COA4: variants seen among roughly 807,000 people sequenced by gnomAD.
The protein encoded by COA4 is cytochrome c oxidase assembly factor 4 homolog.
Under a neutral mutation model 7.3 loss-of-function variants are expected in COA4, and 8 were observed. The ratio of observed to expected loss-of-function variants is 1.10; its 90% confidence interval spans 0.64 to 1.98. COA4 has a LOEUF of 1.98. Ranked by LOEUF, COA4 falls within the 30% of genes most tolerant of loss-of-function variation. The probability of loss-of-function intolerance (pLI) is 0.00; values close to 1 mark genes in which losing one functional copy is unlikely to be tolerated. For synonymous variants in COA4, 42 were observed against 44.3 expected (o/e 0.95, Z 0.21); for missense variants, 96 against 111.2 (o/e 0.86, Z 0.62).
rs1948755420 is a variant in COA4, at chr11:73,876,837, A to G, written c.-97T>C. 1.7e-6 allele frequency: 1 copy of G among 578,398 alleles called. No homozygotes were observed. Among genetic ancestry groups the G allele is most frequent in the Non-Finnish European group, 2.8e-6 (1 of 362,442 alleles). 35.8% of individuals were successfully genotyped at this position (578,398 alleles called of 1,614,324 possible). ...TCGCAGGCGGTTGGGGATCCTCTGT[A>G]CATCCTTTCAGGAACCAGCCCCTCG... On this transcript the variant is annotated 5_prime_UTR_variant, in exon 1 of 2. Transcript: ENST00000355693.
chr11:73,873,794 C>A, intron 1 of COA4: 1 of 196,230 alleles, frequency 5.1e-6, no homozygotes, highest in Non-Finnish European at 1.0e-5. Flanking sequence ...GCTGGGATTA[C>A]AGGTGTGAGC....
At position 73,873,247 on chromosome 11, in the gene COA4, G is replaced by A. The variant is rs1227681845; in HGVS notation, c.132C>T (p.Cys44=). 1 of 1,614,144 alleles carries A rather than the reference G, an allele frequency of 6.2e-7. No individual in the cohort carries two copies. The highest frequency in any genetic ancestry group is 8.5e-7 in the Non-Finnish European group (1 of 1,180,058). The stretch of plus-strand genomic sequence containing the variant: ...GCCGCCAGTCCTGGTGCTGGGCCAT[G>A]CACTCCTGCACTGCAAAGTGGGAGG... ...CAASHFAVQE[C]MAQHQDWRQC... is the part of the protein sequence containing the mutation. Residue 44 remains cysteine, a synonymous_variant, in exon 2 of 2, where the codon TGC becomes TGT. Coordinates refer to ENST00000355693, the MANE Select transcript of COA4 (RefSeq NM_016565.3).
chr11:73,874,125 G>C (rs1287276374), intron 1 of COA4, among the ~76,000 whole-genome samples: 2 of 151,916 alleles, frequency 1.3e-5, no homozygotes, highest in East Asian at 3.9e-4. Context: ...GACCAGCAGG[G>C]GTAATAGCAA....
chr11:73,876,696 G>T (rs777603917), intron 1 of COA4, 61 bp downstream of exon 1: 1 of 246,740 alleles, frequency 4.1e-6, no homozygotes, highest in Non-Finnish European at 7.7e-6. Flanking sequence ...GCGCGCGGCC[G>T]CTGATCGCAG....
chr11:73,874,900 C>T (rs969684657), intron 1 of COA4, among the ~76,000 whole-genome samples: 5 of 152,052 alleles, frequency 3.3e-5, no homozygotes, highest in African/African-American at 9.7e-5. Context: ...GCAGGAGAAT[C>T]GCTTTAACCC....
At position 73,876,775 on chromosome 11, in the gene COA4, G is replaced by A. The variant is rs1367160943; in HGVS notation, c.-35C>T. ...TGCTCACCGAACAGGTGGGAGAAGA[G>A]GGCCCGAACGCACGCTCCTACGCGG... On this transcript the variant is annotated 5_prime_UTR_variant, in exon 1 of 2. Transcript: ENST00000355693. 5.3e-6 allele frequency: 2 copies of A among 379,666 alleles called. No homozygotes were observed. The highest frequency in any genetic ancestry group is 2.1e-5 in the African/African-American group (1 of 47,954). 23.5% of individuals were successfully genotyped at this position (379,666 alleles called of 1,614,324 possible).
At chr11:73,873,536 G>GTTT (rs59752835) in intron 1 of COA4, 142 bp from the exon 2 acceptor site, 1,318 of 488,318 alleles carry the variant, frequency 2.7e-3, no homozygotes, top group South Asian at 7.8e-3. Context: ...ACAGATGCTT[G>GTTT]TTTTTTTTTT....
intron 1 of COA4, among the ~76,000 whole-genome samples, chr11:73,874,706 G>A (rs929138600): frequency 2.6e-5 from 4 of 152,174 alleles, no homozygotes; most frequent in Non-Finnish European, 4.4e-5. Context: ...AAGTGAAAGA[G>A]GCTGGGTGCA....
rs200528812 is a variant in COA4, at chr11:73,873,169, C to T, written c.210G>A (p.Ala70=). ...AFKDCMSEQQ[A]RRQEELQRRQ... The stretch of plus-strand genomic sequence containing the variant: ...TCCTCTGCAGCTCCTCTTGCCGCCT[C>T]GCCTGCTGTTCACTCATGCAATCCT... Residue 70 remains alanine, a synonymous_variant, in exon 2 of 2, where the codon GCG becomes GCA. Transcript: ENST00000355693. 29 of 1,614,002 alleles carry T rather than the reference C, an allele frequency of 1.8e-5. No homozygotes were observed. The East Asian group carries it at 5.6e-4, about 31-fold the overall frequency.
intron 1 of COA4, among the ~76,000 whole-genome samples, chr11:73,874,248 G>C (rs1054503360): frequency 7.2e-5 from 11 of 152,178 alleles, no homozygotes; most frequent in Non-Finnish European, 1.5e-4. Context: ...GGGAGATCAA[G>C]ATCAGCCTGA....
intron 1 of COA4, chr11:73,873,625 C>G (rs958523880): frequency 1.8e-6 from 1 of 559,312 alleles, no homozygotes. Flanking sequence ...ATCCTTCCCC[C>G]TCAGTCCCTC....
intron 1 of COA4, among the ~76,000 whole-genome samples, chr11:73,875,374 G>C (rs531858345): frequency 1.3e-5 from 2 of 152,292 alleles, no homozygotes; most frequent in East Asian, 3.9e-4. Flanking sequence ...CACTATGCTA[G>C]TGCTGAGGAT....
In COA4 at chr11:73,872,988, C is replaced by A; in HGVS notation, c.*127G>T. 1 of 1,261,878 alleles carries A rather than the reference C, an allele frequency of 7.9e-7. No individual in the cohort carries two copies. Among genetic ancestry groups the A allele is most frequent in the African/African-American group, 1.5e-5 (1 of 67,010 alleles). 78.2% of individuals were successfully genotyped at this position (1,261,878 alleles called of 1,614,324 possible). On this transcript the variant is annotated 3_prime_UTR_variant, in exon 2 of 2. Transcript: ENST00000355693. ...TCATGTCCAAACCCATGGCTCTCAA[C>A]TCCAGATCCAAAAACTCTCCCCATG...
At chr11:73,875,909 A>C (rs1397429437) in intron 1 of COA4, 1 of 152,232 alleles carries the variant, frequency 6.6e-6, no homozygotes, top group Non-Finnish European at 1.5e-5. Context: ...ACAGACTTGG[A>C]CCTAGCTTTG....
At chr11:73,876,432 G>A (rs1948747290) in intron 1 of COA4, 1 of 152,086 alleles carries the variant, frequency 6.6e-6, no homozygotes, top group South Asian at 2.1e-4. Context: ...AAAGCGCTTG[G>A]GCTACTATAG....
rs895812109 is a variant in COA4, at chr11:73,876,766, G to A, written c.-26C>T. The stretch of plus-strand genomic sequence containing the variant: ...GGTACGCGATGCTCACCGAACAGGT[G>A]GGAGAAGAGGGCCCGAACGCACGCT... On this transcript the variant is annotated 5_prime_UTR_variant, in exon 1 of 2. Transcript: ENST00000355693. 4 of 368,254 alleles carry A rather than the reference G, an allele frequency of 1.1e-5. No homozygotes were observed. Among genetic ancestry groups the A allele is most frequent in the Non-Finnish European group, 1.5e-5 (3 of 205,032 alleles). The allele number at this position is 368,254 out of a possible 1,614,324, so 22.8% of individuals were successfully genotyped here. A position where few individuals can be genotyped will look rare whatever the true frequency, so the allele number is the denominator to read the frequency against.
rs772497312 is a variant in COA4 at position 73,873,165 on chromosome 11, G to A, written c.214C>T (p.Arg72Trp). 1.3e-5 allele frequency: 21 copies of A among 1,613,722 alleles called. No individual in the cohort carries two copies. In the East Asian group the frequency reaches 2.2e-4, roughly 17 times the overall value. ...TGCCTCCTCTGCAGCTCCTCTTGCC[G>A]CCTCGCCTGCTGTTCACTCATGCAA... Reference protein sequence around the residue: ...KDCMSEQQARRQEELQRRQEQ... With the variant: ...KDCMSEQQARWQEELQRRQEQ... Residue 72 changes from arginine (R) to tryptophan (W), a missense_variant, in exon 2 of 2, where the codon CGG (arginine) becomes TGG (tryptophan). Coordinates refer to ENST00000355693, the MANE Select transcript of COA4 (RefSeq NM_016565.3).
chr11:73,873,479 A>G, intron 1 of COA4, 85 bp from the exon 2 acceptor site: 1 of 1,221,906 alleles, frequency 8.2e-7, no homozygotes, highest in Admixed American at 2.2e-5. Context: ...TGCACCATTT[A>G]GCCTGTTTAA....
chr11:73,875,083 C>A (rs1948726867), intron 1 of COA4, among the ~76,000 whole-genome samples: 1 of 152,216 alleles, frequency 6.6e-6, no homozygotes, highest in African/African-American at 2.4e-5. Flanking sequence ...CTGTAGCATA[C>A]AGTATGCAGA....
Sources: gnomAD v4.1 joint callset for allele counts (sites outside exome capture counted in the v4.1 genomes callset) on GRCh38, gnomAD v4.1.1 for gene constraint, MANE v1.5 for transcripts, NCBI Gene and HGNC (gene_info 2026-07-23, HGNC 2026-07-21) for gene names.